SKAP1: variants seen among roughly 807,000 people sequenced by gnomAD.
SKAP1 encodes the protein src kinase-associated phosphoprotein 1.
SKAP1 carries 44 observed loss-of-function variants against 58.5 expected under a neutral mutation model. That is an observed-to-expected ratio of 0.75 (90% CI 0.59 to 0.97). The LOEUF (loss-of-function observed/expected upper bound fraction) is 0.97. SKAP1 is among the 50% of genes least tolerant of loss of function. The pLI, the probability that SKAP1 is intolerant of heterozygous loss-of-function variation, is 0.00. For missense variants in SKAP1, 390 were observed against 435.2 expected (o/e 0.90, Z 0.92); for synonymous variants, 127 against 149.7 (o/e 0.85, Z 1.11).
chr17:48,418,868 C>T (rs994288425), intron 1 of SKAP1, among the ~76,000 whole-genome samples: 2 of 152,134 alleles, frequency 1.3e-5, no homozygotes, highest in African/African-American at 4.8e-5. Context: ...TGATAGAAGT[C>T]AGAACAGTTA....
At chr17:48,414,231 AG>A (rs142054547) in intron 1 of SKAP1, among the ~76,000 whole-genome samples, 76 of 152,300 alleles carry the variant, frequency 5.0e-4, no homozygotes, top group African/African-American at 1.6e-3. Flanking sequence ...CTCGAGGGGA[AG>A]GTAAATCACG....
At chr17:48,299,319 A>G (rs1203665265) in intron 4 of SKAP1, among the ~76,000 whole-genome samples, 1 of 152,186 alleles carries the variant, frequency 6.6e-6, no homozygotes, top group African/African-American at 2.4e-5. Context: ...TGTACTGTCC[A>G]GCATTTGGCT....
At chr17:48,197,197 G>T (rs568522849) in intron 4 of SKAP1, among the ~76,000 whole-genome samples, 1 of 147,536 alleles carries the variant, frequency 6.8e-6, no homozygotes, top group South Asian at 2.2e-4. Context: ...GGCGGATGTG[G>T]CAGTGAGCCG....
chr17:48,292,038 G>A (rs1407592031), intron 4 of SKAP1, among the ~76,000 whole-genome samples: 1 of 151,278 alleles, frequency 6.6e-6, no homozygotes, highest in Non-Finnish European at 1.5e-5. Context: ...TATCAGATAA[G>A]GGTTTATTTC....
chr17:48,182,816 G>T (rs757973122), intron 7 of SKAP1, among the ~76,000 whole-genome samples: 1 of 152,206 alleles, frequency 6.6e-6, no homozygotes, highest in Non-Finnish European at 1.5e-5. Flanking sequence ...GGCACATTTT[G>T]TAACAACCGG....
chr17:48,365,178 G>A (rs1413494454), intron 2 of SKAP1, among the ~76,000 whole-genome samples: 1 of 152,038 alleles, frequency 6.6e-6, no homozygotes, highest in Non-Finnish European at 1.5e-5. Flanking sequence ...CCAGGCTGGG[G>A]CTTAAGCAAT....
At chr17:48,270,637 G>A (rs1190546940) in intron 4 of SKAP1, among the ~76,000 whole-genome samples, 1 of 151,956 alleles carries the variant, frequency 6.6e-6, no homozygotes, top group East Asian at 1.9e-4. Flanking sequence ...CACTGCGCCT[G>A]GCCCTATTTT....
At chr17:48,156,349 C>T in intron 11 of SKAP1, 1 of 269,470 alleles carries the variant, frequency 3.7e-6, no homozygotes, top group South Asian at 4.2e-5. Flanking sequence ...AACTTGAATT[C>T]TGCGGTGGTC....
At chr17:48,439,392 TCTC>T in the SKAP1 span, among the ~76,000 whole-genome samples, 1 of 152,164 alleles carries the variant, frequency 6.6e-6, no homozygotes, top group Non-Finnish European at 1.5e-5. Context: ...GTGCTTGAAA[TCTC>T]CTCTAAACAG....
chr17:48,393,007 C>T (rs2067369471), intron 2 of SKAP1, among the ~76,000 whole-genome samples: 1 of 152,064 alleles, frequency 6.6e-6, no homozygotes, highest in South Asian at 2.1e-4. Flanking sequence ...AGTGTCTGAG[C>T]ACAGATCACA....
intron 2 of SKAP1, among the ~76,000 whole-genome samples, chr17:48,376,670 T>C (rs191203234): frequency 1.5e-4 from 23 of 152,312 alleles, no homozygotes; most frequent in Non-Finnish European, 2.9e-4. Context: ...GAATACTGCA[T>C]TTGTTCTCTC....
At chr17:48,276,304 G>A (rs931363106) in intron 4 of SKAP1, among the ~76,000 whole-genome samples, 2 of 152,042 alleles carry the variant, frequency 1.3e-5, no homozygotes, top group Non-Finnish European at 2.9e-5. Context: ...TTCAAGATTT[G>A]GCTAAATGTC....
At chr17:48,222,732 C>T (rs536770586) in intron 4 of SKAP1, among the ~76,000 whole-genome samples, 2 of 151,660 alleles carry the variant, frequency 1.3e-5, no homozygotes, top group South Asian at 4.2e-4. Context: ...CCCACCTCGG[C>T]CTCCCAAAGT....
intron 4 of SKAP1, among the ~76,000 whole-genome samples, chr17:48,262,217 A>G (rs1031038050): frequency 6.6e-6 from 1 of 152,240 alleles, no homozygotes; most frequent in Non-Finnish European, 1.5e-5. Context: ...TTAGAAGACC[A>G]TATTTAAGAA....
chr17:48,221,909 C>T (rs948448898), intron 4 of SKAP1, among the ~76,000 whole-genome samples: 3 of 152,138 alleles, frequency 2.0e-5, no homozygotes, highest in Non-Finnish European at 4.4e-5. Flanking sequence ...TCTGTCTAGA[C>T]GTCTCTGTTG....
chr17:48,342,908 CCA>C (rs1347541061), intron 4 of SKAP1, among the ~76,000 whole-genome samples: 1 of 151,960 alleles, frequency 6.6e-6, no homozygotes, highest in African/African-American at 2.4e-5. Context: ...TGGCGTGAAC[CCA>C]GGAGGCAGAG....
At chr17:48,224,035 A>AG (rs1406032187) in intron 4 of SKAP1, among the ~76,000 whole-genome samples, 2,352 of 63,652 alleles carry the variant, frequency 0.037, 34 homozygotes, top group Non-Finnish European at 0.053. Flanking sequence ...AGAGAGAGAG[A>AG]AGAAGGAGGA....
At chr17:48,319,057 G>A (rs8067485) in intron 4 of SKAP1, among the ~76,000 whole-genome samples, 26,256 of 152,100 alleles carry the variant, frequency 0.17, 2,326 homozygotes, top group Non-Finnish European at 0.19. Context: ...TGGGCTTTAT[G>A]AGGATGGTTT....
intron 4 of SKAP1, among the ~76,000 whole-genome samples, chr17:48,338,933 A>G (rs2066612418): frequency 6.6e-6 from 1 of 152,220 alleles, no homozygotes; most frequent in Non-Finnish European, 1.5e-5. Flanking sequence ...GAAGGAAGCC[A>G]CTGTGATCCT....
Sources: allele counts gnomAD v4.1 joint callset (sites outside exome capture counted in the v4.1 genomes callset), GRCh38; gene constraint gnomAD v4.1.1; transcripts MANE v1.5; gene names NCBI Gene and HGNC (gene_info 2026-07-23, HGNC 2026-07-21).